DNAJC17: variants seen among roughly 807,000 people sequenced by gnomAD.
DNAJC17 encodes the protein dnaJ homolog subfamily C member 17.
A neutral mutation model predicts 48.1 loss-of-function variants in DNAJC17; 35 were observed. The observed-to-expected ratio is 0.73, with a 90% CI of 0.56 to 0.96. The LOEUF (loss-of-function observed/expected upper bound fraction) is 0.96, where lower values mean the gene tolerates loss of function less well. Ranked by LOEUF, DNAJC17 falls within the 50% of genes least tolerant of loss-of-function variation. The pLI is 0.00. For missense variants in DNAJC17, 355 were observed against 377.1 expected, an observed-to-expected ratio of 0.94 and a Z score of 0.48; for synonymous variants, 117 against 142.7, an observed-to-expected ratio of 0.82 and a Z score of 1.28.
chr15:40,788,948 T>C (rs2141957164), intron 1 of DNAJC17, among the ~76,000 whole-genome samples: 1 of 152,298 alleles, frequency 6.6e-6, no homozygotes, highest in South Asian at 2.1e-4. Flanking sequence ...GTGACCCCTA[T>C]TGGGACAGCA....
intron 1 of DNAJC17, among the ~76,000 whole-genome samples, chr15:40,804,854 T>C (rs2141967141): frequency 6.6e-6 from 1 of 152,004 alleles, no homozygotes; most frequent in African/African-American, 2.4e-5. Context: ...ACACAAAAAT[T>C]AGCTGGGTGT....
In DNAJC17 at chr15:40,770,730, C is replaced by A; in HGVS notation, c.793-2668G>T. On this transcript the variant is annotated intron_variant, in intron 10 of 10. Transcript: ENST00000220496. This position sits in a 1 kb window ranked among gnomAD's most constrained non-coding sequence, Gnocchi z 5.0. ...GCAGCCCCGGGCCACCCTGCTGGCC[C>A]CACCCAAGCCCCCACGCCTCTACCG... 1 of 1,545,642 alleles carries A rather than the reference C, an allele frequency of 6.5e-7. No homozygotes were observed. Among genetic ancestry groups the A allele is most frequent in the Non-Finnish European group, 8.7e-7 (1 of 1,146,926 alleles).
intron 1 of DNAJC17, among the ~76,000 whole-genome samples, chr15:40,805,151 G>A (rs1260185430): frequency 6.6e-6 from 1 of 151,992 alleles, no homozygotes; most frequent in African/African-American, 2.4e-5. Context: ...GCCGAGGTGG[G>A]AAGATCACGA....
At chr15:40,789,002 G>A (rs1420240316) in intron 1 of DNAJC17, among the ~76,000 whole-genome samples, 1 of 152,148 alleles carries the variant, frequency 6.6e-6, no homozygotes, top group African/African-American at 2.4e-5. Flanking sequence ...ACAACCTATG[G>A]GCTGCTCCCA....
rs770178742 is a variant in DNAJC17, at chr15:40,779,927, C to T, written c.148+1G>A. The T allele has an allele frequency of 2.5e-6, 4 of 1,613,918 alleles. No individual in the cohort carries two copies. The Admixed American group carries it at 6.7e-5, about 27-fold the overall frequency. ...TCCCCACGCCCTGAGAAGAGTCTCA[C>T]CTGCTCTGGGATTATCTGGATTTTT... is the stretch of plus-strand genomic sequence containing the variant. On this transcript the variant is annotated splice_donor_variant, in intron 2 of 10. Coordinates refer to ENST00000220496, the MANE Select transcript of DNAJC17 (RefSeq NM_018163.3). LOFTEE classifies it high-confidence loss of function.
intron 4 of DNAJC17, among the ~76,000 whole-genome samples, chr15:40,777,574 C>G (rs1889366371): frequency 6.6e-6 from 1 of 151,948 alleles, no homozygotes; most frequent in Non-Finnish European, 1.5e-5. Context: ...CAAAAATTAG[C>G]CGGGTGTGGT....
intron 1 of DNAJC17, among the ~76,000 whole-genome samples, chr15:40,794,333 G>A (rs1371450150): frequency 6.6e-6 from 1 of 151,396 alleles, no homozygotes; most frequent in Non-Finnish European, 1.5e-5. Flanking sequence ...CTGGGGGATA[G>A]AATGAGACTC....
chr15:40,772,895 C>A (rs999273428), intron 10 of DNAJC17, among the ~76,000 whole-genome samples: 3 of 151,996 alleles, frequency 2.0e-5, no homozygotes, highest in Non-Finnish European at 4.4e-5. Flanking sequence ...ACGCTTCACC[C>A]AGGCAGGGCA....
Position 40,767,797 on chromosome 15 carries a change from G to T in DNAJC17, c.*143C>A. 8.0e-7 allele frequency: 1 copy of T among 1,252,358 alleles called. No homozygotes were observed. The highest frequency in any genetic ancestry group is 1.5e-5 in the African/African-American group (1 of 65,412). 77.6% of individuals were successfully genotyped at this position (1,252,358 alleles called of 1,614,324 possible). On this transcript the variant is annotated 3_prime_UTR_variant, in exon 11 of 11. Transcript: ENST00000220496. Reference sequence around the variant, plus strand: ...GGGGTCTGCCCACTTCCTGGGAGGGGCGCCAGGCCTGGGTGGAGCGCTCTG... The same window carrying T: ...GGGGTCTGCCCACTTCCTGGGAGGGTCGCCAGGCCTGGGTGGAGCGCTCTG...
chr15:40,785,927 A>G (rs1288324393), intron 1 of DNAJC17, among the ~76,000 whole-genome samples: 1 of 152,202 alleles, frequency 6.6e-6, no homozygotes, highest in Non-Finnish European at 1.5e-5. Context: ...ACTATATTTA[A>G]CTGTTAAACC....
Position 40,766,371 on chromosome 15 carries a change from C to A in DNAJC17, c.*1569G>T, listed in dbSNP as rs893071659. 6.5e-6 allele frequency: 1 copy of A among 153,058 alleles called. No individual in the cohort carries two copies. The highest frequency in any genetic ancestry group is 2.4e-5 in the African/African-American group (1 of 41,496). The allele number at this position is 153,058 out of a possible 1,614,324, so 9.5% of individuals were successfully genotyped here. A position where few individuals can be genotyped will look rare whatever the true frequency, so the allele number is the denominator to read the frequency against. The stretch of plus-strand genomic sequence containing the variant: ...GCTGCCTGGGGACCTAGCCATTTCC[C>A]TTGGCATTCTTCCTAATGCCTCCAT... On this transcript the variant is annotated 3_prime_UTR_variant, in exon 11 of 11. Coordinates refer to ENST00000220496, the MANE Select transcript of DNAJC17 (RefSeq NM_018163.3).
chr15:40,790,877 A>G (rs1217372304), intron 1 of DNAJC17, among the ~76,000 whole-genome samples: 1 of 152,216 alleles, frequency 6.6e-6, no homozygotes, highest in African/African-American at 2.4e-5. Context: ...TCAAAAATCC[A>G]GAGCTTCAGC....
rs1053255005 is a variant in DNAJC17, at chr15:40,767,873, A to T, written c.*67T>A. On this transcript the variant is annotated 3_prime_UTR_variant, in exon 11 of 11. Coordinates refer to ENST00000220496, the MANE Select transcript of DNAJC17 (RefSeq NM_018163.3). ...ATGTATGGGATAGAGGTAAAATCTTAAAAAAAAAAAAAATTTATTGGTGAC... is the reference window on the plus strand; with the variant it reads ...ATGTATGGGATAGAGGTAAAATCTTTAAAAAAAAAAAAATTTATTGGTGAC... The T allele has an allele frequency of 2.0e-5, 9 of 450,450 alleles. No homozygotes were observed. The highest frequency in any genetic ancestry group is 9.1e-5 in the Admixed American group (2 of 22,024). 27.9% of individuals were successfully genotyped at this position (450,450 alleles called of 1,614,324 possible).
intron 1 of DNAJC17, among the ~76,000 whole-genome samples, chr15:40,796,185 T>G (rs2141961473): frequency 6.6e-6 from 1 of 152,362 alleles, no homozygotes; most frequent in East Asian, 1.9e-4. Flanking sequence ...TTATTAAGCA[T>G]CTACCAAGGG....
intron 1 of DNAJC17, among the ~76,000 whole-genome samples, chr15:40,801,291 A>G (rs570466929): frequency 6.6e-6 from 1 of 152,212 alleles, no homozygotes; most frequent in Non-Finnish European, 1.5e-5. Context: ...GCAAACTGAA[A>G]TAAGTGCTAG....
rs1481662024 is a variant in DNAJC17 at position 40,777,517 on chromosome 15, G to A, written c.296-890C>T. Among the ~76,000 whole-genome samples the A allele has an allele frequency of 4.6e-5, 7 of 152,108 alleles. No homozygotes were observed. The East Asian group carries it at 1.4e-3, about 29-fold the overall frequency. ...GTGGATCACCTGAGGTCAGGAGTTC[G>A]AGACCAGCCTGGCCAATGTGGCAAA... On this transcript the variant is annotated intron_variant, in intron 4 of 10. Transcript: ENST00000220496.
Position 40,770,863 on chromosome 15 carries a change from A to C in DNAJC17, c.793-2801T>G. On this transcript the variant is annotated intron_variant, in intron 10 of 10. Transcript: ENST00000220496. This position sits in a 1 kb window ranked among gnomAD's most constrained non-coding sequence, Gnocchi z 5.0. ...TCTCTGTCGAGTGCCCTCCACCAGC[A>C]CTCAGAGAAGGGCCTTGTGGACACT... 6.4e-7 allele frequency: 1 copy of C among 1,551,418 alleles called. No homozygotes were observed. Among genetic ancestry groups the C allele is most frequent in the Non-Finnish European group, 8.7e-7 (1 of 1,146,974 alleles).
At chr15:40,807,112 G>A in intron 1 of DNAJC17, 3 of 827,114 alleles carry the variant, frequency 3.6e-6, no homozygotes, top group Non-Finnish European at 3.7e-6. Flanking sequence ...TCGCCCCGCG[G>A]CCTCTAGGAG....
chr15:40,799,097 C>A (rs575671046), intron 1 of DNAJC17, among the ~76,000 whole-genome samples: 1 of 151,756 alleles, frequency 6.6e-6, no homozygotes, highest in Non-Finnish European at 1.5e-5. Flanking sequence ...TGGTGGCGGG[C>A]GCCTGTAGTC....
Sources: allele counts gnomAD v4.1 joint callset (sites outside exome capture counted in the v4.1 genomes callset), GRCh38; gene constraint gnomAD v4.1.1; non-coding constraint Gnocchi (gnomAD v3.1); transcripts MANE v1.5; gene names NCBI Gene and HGNC (gene_info 2026-07-23, HGNC 2026-07-21).